Variants in PPP3CA observed in about 807,000 individuals in gnomAD.
PPP3CA encodes the protein CAM-PRP catalytic subunit.
A neutral mutation model predicts 66.5 loss-of-function variants in PPP3CA; 14 were observed. The observed-to-expected ratio is 0.21, with a 90% confidence interval of 0.14 to 0.33. PPP3CA has a LOEUF of 0.33. PPP3CA is among the 10% of genes least tolerant of loss of function. The probability of loss-of-function intolerance (pLI) is 1.00; values close to 1 mark genes in which losing one functional copy is unlikely to be tolerated. For missense variants in PPP3CA, 317 were observed against 639.5 expected (o/e 0.50, Z 5.44); for synonymous variants, 232 against 226.2 (o/e 1.03, Z -0.23).
At chr4:101,209,756 T>C (rs977801304) in intron 1 of PPP3CA, among the ~76,000 whole-genome samples, 1 of 152,018 alleles carries the variant, frequency 6.6e-6, no homozygotes, top group African/African-American at 2.4e-5. Context: ...AAGAAAAATA[T>C]AGAAAATGTC....
chr4:101,324,750 G>A (rs1027857991), intron 1 of PPP3CA, among the ~76,000 whole-genome samples: 1 of 151,700 alleles, frequency 6.6e-6, no homozygotes, highest in Non-Finnish European at 1.5e-5. Context: ...TGCCAAGTGA[G>A]GTAAGAACAA....
At chr4:101,098,843 A>G (rs1730315930) in intron 4 of PPP3CA, among the ~76,000 whole-genome samples, 1 of 152,160 alleles carries the variant, frequency 6.6e-6, no homozygotes, top group Non-Finnish European at 1.5e-5. Flanking sequence ...ACCAATAGAA[A>G]AACAGCCATA....
chr4:101,094,189 C>T (rs1300397620), intron 5 of PPP3CA, among the ~76,000 whole-genome samples: 2 of 152,100 alleles, frequency 1.3e-5, no homozygotes, highest in African/African-American at 4.8e-5. Context: ...CCTCTATTAT[C>T]TCTAGATTTC....
chr4:101,268,359 C>T lies in PPP3CA; in HGVS notation c.59-72243G>A, dbSNP rs563739475. ...AAGAAGGCAAAATTCTGTCACATCT[C>T]AGTGATTACATTCTTAAGCTGGTAC... On this transcript the variant is annotated intron_variant, in intron 1 of 13. Coordinates refer to ENST00000394854, the MANE Select transcript of PPP3CA (RefSeq NM_000944.5). 2.0e-5 allele frequency among the ~76,000 whole-genome samples: 3 copies of T among 152,228 alleles called. No homozygotes were observed. The Middle Eastern group carries it at 0.01, about 518-fold the overall frequency.
At chr4:101,273,353 A>G (rs1727391665) in intron 1 of PPP3CA, among the ~76,000 whole-genome samples, 1 of 151,812 alleles carries the variant, frequency 6.6e-6, no homozygotes, top group Admixed American at 6.6e-5. Flanking sequence ...CAGAGAACCT[A>G]TGCAGCCTGA....
At chr4:101,268,917 T>C (rs1402042521) in intron 1 of PPP3CA, among the ~76,000 whole-genome samples, 1 of 152,170 alleles carries the variant, frequency 6.6e-6, no homozygotes, top group East Asian at 1.9e-4. Flanking sequence ...TGGGACGTCC[T>C]GCTAAATATC....
chr4:101,061,049 T>G, intron 10 of PPP3CA, 38 bp downstream of exon 10: 1 of 1,536,016 alleles, frequency 6.5e-7, no homozygotes, highest in Non-Finnish European at 9.0e-7. Context: ...AGTAATTATC[T>G]GGCAAATAGC....
intron 10 of PPP3CA, among the ~76,000 whole-genome samples, chr4:101,057,018 G>C (rs1250570600): frequency 6.6e-6 from 1 of 151,772 alleles, no homozygotes; most frequent in African/African-American, 2.4e-5. Flanking sequence ...TAGGACTCCT[G>C]ATTGCTTATA....
rs1340095274 is a variant in PPP3CA, at chr4:101,083,260, G to A, written c.786C>T (p.Tyr262=). ...TVRGCSYFYS[Y]PAVCEFLQHN... Reference sequence around the variant, plus strand: ...GCTGTAAGAATTCACATACAGCCGGGTAACTGCCAGAGACAAAAAGAAAAG... The same window carrying A: ...GCTGTAAGAATTCACATACAGCCGGATAACTGCCAGAGACAAAAAGAAAAG... Residue 262 remains tyrosine, a synonymous_variant, in exon 7 of 14, where the codon TAC becomes TAT. Coordinates refer to ENST00000394854, the MANE Select transcript of PPP3CA (RefSeq NM_000944.5). 2 of 1,608,614 alleles carry A rather than the reference G, an allele frequency of 1.2e-6. No homozygotes were observed. Among genetic ancestry groups the A allele is most frequent in the African/African-American group, 1.3e-5 (1 of 74,686 alleles).
chr4:101,309,301 T>C (rs1728644914), intron 1 of PPP3CA, among the ~76,000 whole-genome samples: 1 of 152,190 alleles, frequency 6.6e-6, no homozygotes, highest in Admixed American at 6.5e-5. Flanking sequence ...TGCTTCCAGT[T>C]ACAAGGGGCT....
intron 2 of PPP3CA, among the ~76,000 whole-genome samples, chr4:101,186,819 G>A (rs1309655046): frequency 2.0e-5 from 3 of 152,144 alleles, no homozygotes; most frequent in East Asian, 1.9e-4. Flanking sequence ...GTTTTTATAA[G>A]GTGTCTATAC....
intron 8 of PPP3CA, among the ~76,000 whole-genome samples, chr4:101,073,415 T>C: frequency 6.6e-6 from 1 of 151,986 alleles, no homozygotes; most frequent in East Asian, 1.9e-4. Context: ...TAGTTGGGAC[T>C]ACAGGTGCGG....
intron 1 of PPP3CA, among the ~76,000 whole-genome samples, chr4:101,320,474 A>ATG (rs978696518): frequency 0.011 from 1,475 of 129,780 alleles, 16 homozygotes; most frequent in South Asian, 0.081. Flanking sequence ...GTATGTATGT[A>ATG]TGTGTGTGTG....
chr4:101,058,009 A>G (rs1370300414), intron 10 of PPP3CA, among the ~76,000 whole-genome samples: 1 of 152,136 alleles, frequency 6.6e-6, no homozygotes, highest in Admixed American at 6.6e-5. Flanking sequence ...GTTTCTCTTT[A>G]GTTTGACTAA....
rs144363847 is a variant in PPP3CA at position 101,241,427 on chromosome 4, C to A, written c.59-45311G>T. On this transcript the variant is annotated intron_variant, in intron 1 of 13. Transcript: ENST00000394854. Reference sequence around the variant, plus strand: ...GTGATATTAATGTTGCTAACTCTAACGAAAAAAGAAAGCGCTCAACAAATA... The same window carrying A: ...GTGATATTAATGTTGCTAACTCTAAAGAAAAAAGAAAGCGCTCAACAAATA... Among the ~76,000 whole-genome samples the A allele has an allele frequency of 3.3e-5, 5 of 151,498 alleles. No individual in the cohort carries two copies. In the East Asian group the frequency reaches 9.7e-4, roughly 29 times the overall value.
At chr4:101,262,120 T>C (rs1164771398) in intron 1 of PPP3CA, among the ~76,000 whole-genome samples, 1 of 152,138 alleles carries the variant, frequency 6.6e-6, no homozygotes. Context: ...AGTTTTTATA[T>C]TACATTTATT....
chr4:101,180,917 T>C (rs924658267), intron 2 of PPP3CA, among the ~76,000 whole-genome samples: 2 of 152,026 alleles, frequency 1.3e-5, no homozygotes, highest in African/African-American at 2.4e-5. Context: ...TAGCACACTA[T>C]ATTACTACAT....
At chr4:101,117,887 T>C (rs1721893770) in intron 2 of PPP3CA, among the ~76,000 whole-genome samples, 1 of 151,934 alleles carries the variant, frequency 6.6e-6, no homozygotes, top group African/African-American at 2.4e-5. Context: ...TATAAGTTGA[T>C]ATAATTTCAG....
intron 2 of PPP3CA, among the ~76,000 whole-genome samples, chr4:101,172,811 ATTCT>A (rs1723928938): frequency 6.6e-6 from 1 of 152,156 alleles, no homozygotes; most frequent in African/African-American, 2.4e-5. Flanking sequence ...CTAAGTTCTC[ATTCT>A]TTCTAAAACC....
Sources: allele counts gnomAD v4.1 joint callset (sites outside exome capture counted in the v4.1 genomes callset), GRCh38; gene constraint gnomAD v4.1.1; transcripts MANE v1.5; gene names NCBI Gene and HGNC (gene_info 2026-07-23, HGNC 2026-07-21).